Variants in HPSE2 observed in about 807,000 individuals in gnomAD.
HPSE2 encodes heparanase 2 (inactive).
Under a neutral mutation model 60.5 loss-of-function variants are expected in HPSE2, and 38 were observed. The ratio of observed to expected loss-of-function variants is 0.63; its 90% CI spans 0.48 to 0.82. HPSE2 has a LOEUF of 0.82. Among genes scored for constraint, HPSE2 ranks in the 40% least tolerant of loss-of-function variants. The probability of loss-of-function intolerance (pLI) is 0.00; values close to 1 mark genes in which losing one functional copy is unlikely to be tolerated. For missense variants in HPSE2, 713 were observed against 740.4 expected, an observed-to-expected ratio of 0.96 and a Z score of 0.43; for synonymous variants, 295 against 293.2, an observed-to-expected ratio of 1.01 and a Z score of -0.06.
chr10:98,467,756 C>T (rs935757630), intron 11 of HPSE2, among the ~76,000 whole-genome samples: 1 of 152,280 alleles, frequency 6.6e-6, no homozygotes, highest in East Asian at 1.9e-4. Flanking sequence ...TGCGCTTGGC[C>T]TCCCGGAGGA....
At chr10:99,165,286 ACTT>A (rs945234551) in intron 2 of HPSE2, among the ~76,000 whole-genome samples, 60 of 152,058 alleles carry the variant, frequency 3.9e-4, no homozygotes, top group African/African-American at 1.3e-3. Flanking sequence ...AGTGCTGCAT[ACTT>A]CTTTTTTCTT....
At chr10:98,577,830 G>A (rs1944684211) in intron 9 of HPSE2, among the ~76,000 whole-genome samples, 1 of 152,144 alleles carries the variant, frequency 6.6e-6, no homozygotes, top group Non-Finnish European at 1.5e-5. Flanking sequence ...AAGTTTATAA[G>A]TCCTGCATTG....
intron 3 of HPSE2, among the ~76,000 whole-genome samples, chr10:99,024,369 C>G (rs1249985276): frequency 2.6e-5 from 4 of 151,974 alleles, no homozygotes; most frequent in Non-Finnish European, 1.5e-5. Flanking sequence ...TATTTGCAAC[C>G]CTCGGGGTAT....
intron 4 of HPSE2, among the ~76,000 whole-genome samples, chr10:98,726,406 G>A (rs1039502474): frequency 6.9e-6 from 1 of 145,660 alleles, no homozygotes; most frequent in Non-Finnish European, 1.5e-5. Context: ...AATGCCGCAT[G>A]TTCTCACTCA....
intron 6 of HPSE2, among the ~76,000 whole-genome samples, chr10:98,675,539 T>TACAC (rs774393556): frequency 0.28 from 34,529 of 121,324 alleles, 4,364 homozygotes; most frequent in Non-Finnish European, 0.31. Context: ...GATCCCTGTC[T>TACAC]ACACACACAC....
At chr10:98,778,614 T>C (rs1021302596) in intron 3 of HPSE2, among the ~76,000 whole-genome samples, 6 of 152,128 alleles carry the variant, frequency 3.9e-5, no homozygotes, top group African/African-American at 9.7e-5. Flanking sequence ...GACTGAGCCC[T>C]GCTTCTGGTA....
At chr10:99,267,923 A>G in the HPSE2 span, among the ~76,000 whole-genome samples, 3 of 152,226 alleles carry the variant, frequency 2.0e-5, no homozygotes, top group Non-Finnish European at 4.4e-5. Flanking sequence ...CTAGAGACCT[A>G]AACACCCAAA....
chr10:98,465,756 T>A (rs979212708), intron 11 of HPSE2, among the ~76,000 whole-genome samples: 2 of 152,350 alleles, frequency 1.3e-5, no homozygotes, highest in African/African-American at 4.8e-5. Flanking sequence ...CGTGACTTTT[T>A]AAATCAAATG....
intron 3 of HPSE2, among the ~76,000 whole-genome samples, chr10:99,095,855 T>C (rs902481564): frequency 1.3e-5 from 2 of 152,260 alleles, no homozygotes; most frequent in Non-Finnish European, 2.9e-5. Context: ...CAAGTTTTTG[T>C]GTGGACATCC....
intron 9 of HPSE2, among the ~76,000 whole-genome samples, chr10:98,594,469 A>G (rs1387653334): frequency 6.6e-6 from 1 of 152,150 alleles, no homozygotes; most frequent in Non-Finnish European, 1.5e-5. Context: ...TGGAGTCTTT[A>G]GGATTTCCTT....
intron 3 of HPSE2, chr10:99,047,517 T>C: frequency 2.3e-6 from 1 of 438,116 alleles, no homozygotes; most frequent in East Asian, 3.9e-5. Context: ...AAAGAAACTA[T>C]TACTAAAGAG....
chr10:98,890,208 A>G (rs1953294954), intron 3 of HPSE2, among the ~76,000 whole-genome samples: 1 of 152,202 alleles, frequency 6.6e-6, no homozygotes, highest in African/African-American at 2.4e-5. Flanking sequence ...TTTTTACCCA[A>G]TAACCCCACT....
intron 3 of HPSE2, among the ~76,000 whole-genome samples, chr10:99,116,311 C>T (rs903397754): frequency 3.3e-4 from 50 of 152,072 alleles, no homozygotes; most frequent in African/African-American, 1.2e-3. Context: ...CACATTTCTG[C>T]ACCAAGGGCC....
At chr10:98,474,262 T>G (rs1940905361) in intron 11 of HPSE2, among the ~76,000 whole-genome samples, 1 of 152,224 alleles carries the variant, frequency 6.6e-6, no homozygotes, top group Admixed American at 6.5e-5. Context: ...TCCCAAAGCT[T>G]CTTTTACCTG....
chr10:98,806,450 G>A (rs987858447), intron 3 of HPSE2, among the ~76,000 whole-genome samples: 4 of 152,124 alleles, frequency 2.6e-5, no homozygotes, highest in African/African-American at 4.8e-5. Context: ...TAGAGCACTG[G>A]ACTTAGAGTC....
intron 3 of HPSE2, among the ~76,000 whole-genome samples, chr10:98,825,050 C>T (rs1403660991): frequency 6.6e-6 from 1 of 152,152 alleles, no homozygotes; most frequent in East Asian, 1.9e-4. Flanking sequence ...TTTATTCTTG[C>T]AAACAACAGT....
chr10:98,899,758 C>CTTTTTTTTTTTTTTTTTTTT (rs61080994), intron 3 of HPSE2, among the ~76,000 whole-genome samples: 1 of 118,370 alleles, frequency 8.4e-6, no homozygotes. Flanking sequence ...TTGGCAGTGT[C>CTTTTTTTTTTTTTTTTTTTT]TTTTTTTTTT....
At chr10:99,047,778 G>A in intron 3 of HPSE2, 1 of 835,066 alleles carries the variant, frequency 1.2e-6, no homozygotes. Context: ...AAGGCAAGAA[G>A]GAAGCTTATC....
At chr10:99,152,164 AGC>A (rs1342710582) in intron 2 of HPSE2, among the ~76,000 whole-genome samples, 2 of 152,082 alleles carry the variant, frequency 1.3e-5, no homozygotes, top group African/African-American at 4.8e-5. Context: ...ACAAAAAATT[AGC>A]CAGGCATGGT....
Sources: gnomAD v4.1 joint callset for allele counts (sites outside exome capture counted in the v4.1 genomes callset) on GRCh38, gnomAD v4.1.1 for gene constraint, MANE v1.5 for transcripts, NCBI Gene and HGNC (gene_info 2026-07-23, HGNC 2026-07-21) for gene names.